KNDC1: variants seen among roughly 807,000 people sequenced by gnomAD.
The protein encoded by KNDC1 is kinase non-catalytic C-lobe domain-containing protein 1.
KNDC1 carries 106 observed loss-of-function variants against 172.8 expected under a neutral mutation model. That is an observed-to-expected ratio of 0.61 (90% CI 0.52 to 0.72). The LOEUF (loss-of-function observed/expected upper bound fraction) is 0.72. Ranked by LOEUF, KNDC1 falls within the 30% of genes least tolerant of loss-of-function variation. The pLI is 0.00. For synonymous variants in KNDC1, 1,083 were observed against 1,062.2 expected (o/e 1.02, Z -0.38); for missense variants, 2,325 against 2,394.5 (o/e 0.97, Z 0.61).
Position 133,206,876 on chromosome 10 carries a change from C to G in KNDC1, c.3502C>G (p.Leu1168Val). ...RNKGSDVKTMLSKLKGQLEEM... is the reference protein window; with the variant it reads ...RNKGSDVKTMVSKLKGQLEEM... Reference sequence around the variant, plus strand: ...CACAGGTTCCGACGTCAAGACCATGCTGTCCAAGCTGAAAGGGCAGCTAGA... The same window carrying G: ...CACAGGTTCCGACGTCAAGACCATGGTGTCCAAGCTGAAAGGGCAGCTAGA... Residue 1168 changes from leucine (L) to valine (V), a missense_variant, in exon 19 of 30, where the codon CTG becomes GTG. Physicochemically the swap from Leu to Val is conservative, Grantham distance 32. Transcript: ENST00000304613. 1 of 1,614,166 alleles carries G rather than the reference C, an allele frequency of 6.2e-7. No individual in the cohort carries two copies. The highest frequency in any genetic ancestry group is 8.5e-7 in the Non-Finnish European group (1 of 1,180,022).
rs1353465635 is a variant in KNDC1 at position 133,186,203 on chromosome 10, C to G, written c.855C>G (p.Ala285=). Reference sequence around the variant, plus strand: ...GGCTGGCCGGCCTCGTCCTGGATGCCGAGCGCACCCTCGGGGAGCTGGACA... The same window carrying G: ...GGCTGGCCGGCCTCGTCCTGGATGCGGAGCGCACCCTCGGGGAGCTGGACA... The part of the protein sequence containing the change: ...REGLAGLVLD[A]ERTLGELDRD... Residue 285 remains alanine, a synonymous_variant, in exon 6 of 30, where the codon GCC becomes GCG. Coordinates refer to ENST00000304613, the MANE Select transcript of KNDC1 (RefSeq NM_152643.8). 1.9e-6 allele frequency: 3 copies of G among 1,571,396 alleles called. No individual in the cohort carries two copies. The highest frequency in any genetic ancestry group is 2.6e-6 in the Non-Finnish European group (3 of 1,159,116).
In KNDC1 at chr10:133,223,976, G is replaced by GGT. The variant is rs1245893274; in HGVS notation, c.5019-682_5019-681insTG. ...GAGCCCATCCAGGCATGCTCTTCCCGGCGTGTGTGTGTGTGTGTGAGAGAG... is the reference window on the plus strand; with the variant it reads ...GAGCCCATCCAGGCATGCTCTTCCCGGTGCGTGTGTGTGTGTGTGTGAGAGAG... On this transcript the variant is annotated intron_variant, in intron 29 of 29. Transcript: ENST00000304613. Among the ~76,000 whole-genome samples the GGT allele has an allele frequency of 1.0e-3, 132 of 126,316 alleles. 1 individual carries two copies. Among genetic ancestry groups the GGT allele is most frequent in the African/African-American group, 4.0e-3 (129 of 31,950 alleles). 82.9% of individuals were successfully genotyped at this position (126,316 alleles called of 152,430 possible). A position where few individuals can be genotyped will look rare whatever the true frequency, so the allele number is the denominator to read the frequency against.
intron 25 of KNDC1, 34 bp from the exon 26 acceptor site, chr10:133,213,937 TC>T: frequency 1.9e-6 from 3 of 1,613,482 alleles, no homozygotes; most frequent in Non-Finnish European, 2.5e-6. Context: ...ACTGCACAAG[TC>T]CTGGGGGTGA....
chr10:133,213,862 T>C lies in KNDC1; in HGVS notation c.4527-110T>C, dbSNP rs556318652. ...ACGCGAGAGAGTGGTGTCTGCCAGT[T>C]GGAGCGGCCTCGTGGCCCGACCCCA... On this transcript the variant is annotated intron_variant, in intron 25 of 29. Coordinates refer to ENST00000304613, the MANE Select transcript of KNDC1 (RefSeq NM_152643.8). 33 of 1,476,312 alleles carry C rather than the reference T, an allele frequency of 2.2e-5. No homozygotes were observed. In the African/African-American group the frequency reaches 3.9e-4, roughly 17 times the overall value. 91.5% of individuals were successfully genotyped at this position (1,476,312 alleles called of 1,614,324 possible).
chr10:133,212,468 G>A (rs1273367197), intron 23 of KNDC1, among the ~76,000 whole-genome samples: 1 of 152,230 alleles, frequency 6.6e-6, no homozygotes, highest in Non-Finnish European at 1.5e-5. Flanking sequence ...AGTGTGGGGA[G>A]AGAAATGCCC....
At chr10:133,194,009 AGAAC>A (rs1205471468) in intron 9 of KNDC1, among the ~76,000 whole-genome samples, 1 of 152,268 alleles carries the variant, frequency 6.6e-6, no homozygotes, top group Non-Finnish European at 1.5e-5. Flanking sequence ...AACACTTGAT[AGAAC>A]AATCAGACTG....
At chr10:133,196,148 G>A (rs1854185396) in intron 10 of KNDC1, among the ~76,000 whole-genome samples, 2 of 152,192 alleles carry the variant, frequency 1.3e-5, no homozygotes, top group Non-Finnish European at 2.9e-5. Flanking sequence ...GTGGGCACGT[G>A]CAGACCCCTG....
intron 26 of KNDC1, among the ~76,000 whole-genome samples, chr10:133,216,639 G>A (rs1845472902): frequency 6.6e-6 from 1 of 152,062 alleles, no homozygotes; most frequent in Non-Finnish European, 1.5e-5. Context: ...GTTGCACCAC[G>A]GCAGCCTAGA....
chr10:133,209,000 GGTT>G (rs752271916), intron 20 of KNDC1, among the ~76,000 whole-genome samples: 4 of 151,898 alleles, frequency 2.6e-5, no homozygotes, highest in Non-Finnish European at 4.4e-5. Context: ...TGTGGTGTGT[GGTT>G]GTGGGATATC....
In KNDC1 at chr10:133,163,567, C is replaced by G. The variant is rs973027235; in HGVS notation, c.102+2998C>G. On this transcript the variant is annotated intron_variant, in intron 1 of 29. Coordinates refer to ENST00000304613, the MANE Select transcript of KNDC1 (RefSeq NM_152643.8). The surrounding 1 kb of genome is among the most constrained non-coding windows in gnomAD (Gnocchi z 4.4). The stretch of plus-strand genomic sequence containing the variant: ...GGCCTGGGGATTGGCAGCCAGTGCT[C>G]CCAGCTGTGATTGGAGTTTTGTATT... Among the ~76,000 whole-genome samples, 1 of 152,080 alleles carries G rather than the reference C, an allele frequency of 6.6e-6. No individual in the cohort carries two copies. The highest frequency in any genetic ancestry group is 2.4e-5 in the African/African-American group (1 of 41,392).
intron 3 of KNDC1, 21 bp downstream of exon 3, chr10:133,168,333 T>C (rs2998151): frequency 0.63 from 1,016,828 of 1,609,474 alleles, 323,111 homozygotes; most frequent in Admixed American, 0.77. Flanking sequence ...GTGGGGGTAA[T>C]GTGCCACACC....
intron 28 of KNDC1, 116 bp from the exon 29 acceptor site, chr10:133,219,839 G>A (rs1231686892): frequency 7.9e-6 from 8 of 1,012,156 alleles, no homozygotes; most frequent in East Asian, 2.7e-5. Flanking sequence ...GGTAGACCCC[G>A]TGCGTGGAGA....
At position 133,225,012 on chromosome 10, in the gene KNDC1, G is replaced by A. The variant is rs1227884603; in HGVS notation, c.*122G>A. The stretch of plus-strand genomic sequence containing the variant: ...GGCCCCTCCGCCCCCGAACCCTGGG[G>A]AGCTGGACCAGGAGGTGGAGGCTCA... On this transcript the variant is annotated 3_prime_UTR_variant, in exon 30 of 30. Transcript: ENST00000304613. 3.9e-6 allele frequency: 3 copies of A among 776,592 alleles called. No homozygotes were observed. Among genetic ancestry groups the A allele is most frequent in the Non-Finnish European group, 6.4e-6 (3 of 467,526 alleles). The allele number at this position is 776,592 out of a possible 1,614,324, so 48.1% of individuals were successfully genotyped here. A position where few individuals can be genotyped will look rare whatever the true frequency, so the allele number is the denominator to read the frequency against.
chr10:133,197,187 C>T (rs749438097), intron 11 of KNDC1, 52 bp downstream of exon 11: 26 of 1,430,292 alleles, frequency 1.8e-5, no homozygotes, highest in Non-Finnish European at 2.4e-5. Flanking sequence ...TAGCTTCCTC[C>T]CTCCTGGACG....
At position 133,212,747 on chromosome 10, in the gene KNDC1, G is replaced by A; in HGVS notation, c.4268G>A (p.Gly1423Glu). 6.2e-7 allele frequency: 1 copy of A among 1,613,486 alleles called. No individual in the cohort carries two copies. The highest frequency in any genetic ancestry group is 8.5e-7 in the Non-Finnish European group (1 of 1,179,834). ...CCCTGGAGGCTGCCCCGAGGCAACG[G>A]GCTGGTGCTGCCGCCACACAAGGAG... ...SFPWRLPRGNGLVLPPHKERP... is the reference protein window; with the variant it reads ...SFPWRLPRGNELVLPPHKERP... The change falls in exon 24 of 30, where the codon GGG becomes GAG. Residue 1423 changes from glycine (G) to glutamate (E), a missense_variant. Gly to Glu is a moderately conservative substitution (Grantham distance 98). Coordinates refer to ENST00000304613, the MANE Select transcript of KNDC1 (RefSeq NM_152643.8).
intron 29 of KNDC1, among the ~76,000 whole-genome samples, chr10:133,222,293 A>C (rs1212675004): frequency 6.6e-6 from 1 of 151,828 alleles, no homozygotes; most frequent in African/African-American, 2.4e-5. Context: ...AAAAAAAAAA[A>C]AAAACTTAAG....
chr10:133,203,709 C>T (rs185132242), intron 17 of KNDC1, among the ~76,000 whole-genome samples: 41 of 152,338 alleles, frequency 2.7e-4, no homozygotes, highest in African/African-American at 9.9e-4. Flanking sequence ...GTGGGTTCCT[C>T]CCCCGTCTGT....
chr10:133,187,950 A>G (rs10400151), intron 6 of KNDC1, among the ~76,000 whole-genome samples: 42,971 of 84,158 alleles, frequency 0.51, 8,485 homozygotes, highest in South Asian at 0.63. Context: ...ACCCCGTCCC[A>G]CCCTTCCCCT....
At chr10:133,173,205 G>C (rs546644178) in intron 3 of KNDC1, among the ~76,000 whole-genome samples, 2 of 152,152 alleles carry the variant, frequency 1.3e-5, no homozygotes, top group Non-Finnish European at 2.9e-5. Flanking sequence ...GGTTTAGTTC[G>C]TTCATTTTTC....
Sources: gnomAD v4.1 joint callset for allele counts (sites outside exome capture counted in the v4.1 genomes callset) on GRCh38, gnomAD v4.1.1 for gene constraint, Gnocchi (gnomAD v3.1) non-coding constraint, MANE v1.5 for transcripts, NCBI Gene and HGNC (gene_info 2026-07-23, HGNC 2026-07-21) for gene names.